TTC6: variants seen among roughly 807,000 people sequenced by gnomAD.
The protein encoded by TTC6 is tetratricopeptide repeat domain 6.
Under a neutral mutation model 210.4 loss-of-function variants are expected in TTC6, and 172 were observed. That is an observed-to-expected ratio of 0.82 (90% CI 0.72 to 0.93). The LOEUF is 0.93. Ranked by LOEUF, TTC6 falls within the 40% of genes least tolerant of loss-of-function variation. The pLI is 0.00. For synonymous variants in TTC6, 804 were observed against 819.6 expected (o/e 0.98, Z 0.32); for missense variants, 2,414 against 2,318.1 (o/e 1.04, Z -0.85).
chr14:37,654,613 T>C (rs2095718658), intron 1 of TTC6, among the ~76,000 whole-genome samples: 1 of 152,166 alleles, frequency 6.6e-6, no homozygotes, highest in African/African-American at 2.4e-5. Context: ...TTTATAGCAA[T>C]GTGAGAAAGG....
At chr14:37,748,912 T>A (rs1489345091) in intron 10 of TTC6, 27 bp from the exon 13 acceptor site, 10 of 1,424,248 alleles carry the variant, frequency 7.0e-6, no homozygotes, top group African/African-American at 2.9e-5. Flanking sequence ...TTCTGTAATT[T>A]AAAAAAATCA....
chr14:37,841,273 T>A (rs561764834), intron 29 of TTC6, among the ~76,000 whole-genome samples, 172 bp from the exon 32 acceptor site: 1 of 152,228 alleles, frequency 6.6e-6, no homozygotes, highest in East Asian at 1.9e-4. Flanking sequence ...TTTGGTTGGG[T>A]TTAGCTTTTT....
intron 14 of TTC6, among the ~76,000 whole-genome samples, chr14:37,770,023 A>C (rs1169011867): frequency 1.3e-5 from 2 of 152,158 alleles, no homozygotes; most frequent in African/African-American, 4.8e-5. Flanking sequence ...CGTTGGTTTC[A>C]AAGAACATCT....
intron 14 of TTC6, among the ~76,000 whole-genome samples, chr14:37,772,134 A>G (rs12883152): frequency 0.42 from 64,464 of 151,918 alleles, 14,651 homozygotes; most frequent in Non-Finnish European, 0.51. Flanking sequence ...GGGGTCAGGG[A>G]CCCATTTGAG....
chr14:37,616,926 G>C (rs1280880193), intron 2 of TTC6, among the ~76,000 whole-genome samples: 1 of 151,800 alleles, frequency 6.6e-6, no homozygotes, highest in African/African-American at 2.4e-5. Context: ...ACCCAGGCTG[G>C]AGTGCAGTGG....
chr14:37,599,006 G>A (rs987175025), intron 1 of TTC6, among the ~76,000 whole-genome samples: 1 of 148,384 alleles, frequency 6.7e-6, no homozygotes, highest in African/African-American at 2.5e-5. Context: ...ACTAAGACCT[G>A]TGGTCGTTAA....
chr14:37,629,418 G>A (rs546400493), intron 1 of TTC6, among the ~76,000 whole-genome samples: 1 of 151,954 alleles, frequency 6.6e-6, no homozygotes, highest in Admixed American at 6.6e-5. Context: ...GTCTATTATT[G>A]GTGTATAGGA....
intron 23 of TTC6, among the ~76,000 whole-genome samples, chr14:37,808,267 A>C (rs185172246): frequency 2.6e-5 from 4 of 152,342 alleles, no homozygotes; most frequent in Admixed American, 2.6e-4. Flanking sequence ...CTATCTACAG[A>C]AATGGGTGAT....
chr14:37,792,345 TTCTGA>T lies in TTC6; in HGVS notation c.3640_3644del (p.Ser1214GlyfsTer3), dbSNP rs2096081861. On this transcript the variant is annotated frameshift_variant, in exon 17 of 31. Coordinates refer to ENST00000553443, the Ensembl canonical transcript of TTC6. LOFTEE classifies it high-confidence loss of function. ...ACTACACGGAAGCTATTTGGCAATT[TTCTGA>T]GGCTATTAGAATTGATCCTTTATGT... The T allele has an allele frequency of 3.3e-6, 5 of 1,533,372 alleles. No individual in the cohort carries two copies. Among genetic ancestry groups the T allele is most frequent in the Non-Finnish European group, 4.4e-6 (5 of 1,145,760 alleles). The allele number at this position is 1,533,372 out of a possible 1,614,324, so 95.0% of individuals were successfully genotyped here.
At position 37,822,023 on chromosome 14, in the gene TTC6, C is replaced by A. The variant is rs760530454; in HGVS notation, c.4764-1724C>A. 2.0e-5 allele frequency among the ~76,000 whole-genome samples: 3 copies of A among 152,020 alleles called. No individual in the cohort carries two copies. In the South Asian group the frequency reaches 6.2e-4, roughly 32 times the overall value. On this transcript the variant is annotated intron_variant, in intron 26 of 30. Coordinates refer to ENST00000553443, the Ensembl canonical transcript of TTC6. ...CTGGAACTCCTGACCTCGTGATCCA[C>A]CCACCTCAGCCTCCCAAAGTGCTGT...
At chr14:37,749,725 G>C (rs1345304076) in exon 12 of TTC6, 3 of 1,428,768 alleles carry the variant, frequency 2.1e-6, no homozygotes, top group Non-Finnish European at 2.7e-6. Context: ...TAATACTCTT[G>C]GAACCATTGT....
intron 16 of TTC6, 79 bp downstream of exon 18, chr14:37,790,916 C>A: frequency 8.0e-7 from 1 of 1,253,254 alleles, no homozygotes; most frequent in South Asian, 1.5e-5. Flanking sequence ...AAGTTTCTTT[C>A]CCCTCATCAT....
chr14:37,787,577 C>A lies in TTC6; in HGVS notation c.3376C>A (p.Arg1126=), dbSNP rs540372696. The A allele has an allele frequency of 5.9e-6, 9 of 1,524,750 alleles. No individual in the cohort carries two copies. The South Asian group carries it at 1.1e-4, about 19-fold the overall frequency. The allele number at this position is 1,524,750 out of a possible 1,614,324, so 94.5% of individuals were successfully genotyped here. The stretch of plus-strand genomic sequence containing the variant: ...TAATAACTGGTTAGCGTTGTATTAT[C>A]GAGGTTGCTTATTCAGAAAGAGTAA... Residue 1126 remains arginine (R), a synonymous_variant, in exon 15 of 31, where the codon CGA becomes AGA. Coordinates refer to ENST00000553443, the Ensembl canonical transcript of TTC6.
At chr14:37,614,809 C>A (rs1458450306) in intron 2 of TTC6, among the ~76,000 whole-genome samples, 1 of 152,170 alleles carries the variant, frequency 6.6e-6, no homozygotes, top group Non-Finnish European at 1.5e-5. Context: ...TGCAGTGTCA[C>A]AATCTTGGCT....
Position 37,752,066 on chromosome 14 carries a change from C to G in TTC6, c.3129+841C>G, listed in dbSNP as rs191140341. On this transcript the variant is annotated intron_variant, in intron 13 of 30. Coordinates refer to ENST00000553443, the Ensembl canonical transcript of TTC6. ...GGTCTCGATCTCCTGACCTCGTGAT[C>G]CGCCCACCTTGGCCTCCCAAAGTGG... Among the ~76,000 whole-genome samples the G allele has an allele frequency of 3.2e-3, 493 of 152,090 alleles. 4 individuals carry two copies. The highest frequency in any genetic ancestry group is 0.011 in the African/African-American group (448 of 41,470).
intron 1 of TTC6, among the ~76,000 whole-genome samples, chr14:37,647,755 G>A (rs177859): frequency 0.31 from 47,373 of 151,868 alleles, 7,515 homozygotes; most frequent in Non-Finnish European, 0.33. Context: ...GAGATGACCC[G>A]GGGGATAAGT....
chr14:37,773,500 T>G (rs1672063647), intron 14 of TTC6, among the ~76,000 whole-genome samples: 1 of 152,202 alleles, frequency 6.6e-6, no homozygotes, highest in African/African-American at 2.4e-5. Flanking sequence ...CCAGCACCAT[T>G]TATTAAACAG....
chr14:37,772,459 C>G (rs1478633521), intron 14 of TTC6: 1 of 160,918 alleles, frequency 6.2e-6, no homozygotes, highest in African/African-American at 2.4e-5. Context: ...CAGGGAGACT[C>G]CGTGGGCGTA....
intron 27 of TTC6, among the ~76,000 whole-genome samples, chr14:37,824,214 C>T (rs930534497): frequency 6.6e-6 from 1 of 152,070 alleles, no homozygotes; most frequent in Non-Finnish European, 1.5e-5. Context: ...TTTATGTCTG[C>T]ACCCCTCCCT....
Sources: allele counts gnomAD v4.1 joint callset (sites outside exome capture counted in the v4.1 genomes callset), GRCh38; gene constraint gnomAD v4.1.1; transcripts MANE v1.5; gene names NCBI Gene and HGNC (gene_info 2026-07-23, HGNC 2026-07-21).